The following PHLPP1 variants were observed in gnomAD, a reference collection of about 807,000 sequenced individuals.
PHLPP1 encodes the protein PH domain leucine-rich repeat-containing protein phosphatase 1.
PHLPP1 carries 42 observed loss-of-function variants against 117.2 expected under a neutral mutation model. The ratio of observed to expected loss-of-function variants is 0.36; its 90% CI spans 0.28 to 0.46. The LOEUF (loss-of-function observed/expected upper bound fraction) is 0.46, where lower values mean the gene tolerates loss of function less well. Among genes scored for constraint, PHLPP1 ranks in the 20% least tolerant of loss-of-function variants. PHLPP1 has a pLI of 1.00. For missense variants in PHLPP1, 2,084 were observed against 2,241.9 expected (o/e 0.93, Z 1.42); for synonymous variants, 1,042 against 970.7 (o/e 1.07, Z -1.37).
intron 1 of PHLPP1, among the ~76,000 whole-genome samples, chr18:62,778,188 TTGA>T (rs1913017268): frequency 1.3e-5 from 2 of 152,334 alleles, no homozygotes; most frequent in African/African-American, 4.8e-5. Context: ...TGTATTACCT[TTGA>T]TATTCTTCCC....
chr18:62,768,115 A>G (rs1400298603), intron 1 of PHLPP1, among the ~76,000 whole-genome samples: 1 of 152,214 alleles, frequency 6.6e-6, no homozygotes, highest in Non-Finnish European at 1.5e-5. Context: ...TTGACACTGA[A>G]TTTAATTTAT....
Position 62,978,717 on chromosome 18 carries a change from G to T in PHLPP1, c.4440G>T (p.Glu1480Asp). 1 of 1,613,824 alleles carries T rather than the reference G, an allele frequency of 6.2e-7. No individual in the cohort carries two copies. The highest frequency in any genetic ancestry group is 8.5e-7 in the Non-Finnish European group (1 of 1,179,854). Residue 1480 changes from glutamate to aspartate, a missense_variant, in exon 17 of 17, where the codon GAG becomes GAT. Coordinates refer to ENST00000262719, the MANE Select transcript of PHLPP1 (RefSeq NM_194449.4). The surrounding 1 kb of genome is among the most constrained non-coding windows in gnomAD (Gnocchi z 7.0). ...GCATGGCTTCCGAGATTAGCAGTGA[G>T]CTCTCCACTTCTGAGATGAGCAGCG... is the stretch of plus-strand genomic sequence containing the variant. ...SSGMASEISS[E>D]LSTSEMSSEV... is the part of the protein sequence containing the mutation.
chr18:62,716,596 C>T lies in PHLPP1; in HGVS notation c.913C>T (p.Pro305Ser), dbSNP rs1910747089. ...PRAPPADLPL[P>S]VGGPGGWSRR... ...CGCGCCCCCCGCCGACCTACCCCTGCCCGTCGGCGGCCCGGGCGGGTGGTC... is the reference window on the plus strand; with the variant it reads ...CGCGCCCCCCGCCGACCTACCCCTGTCCGTCGGCGGCCCGGGCGGGTGGTC... Residue 305 changes from proline to serine, a missense_variant, in exon 1 of 17, where the codon CCC becomes TCC. Physicochemically the swap from Pro to Ser is moderately conservative, Grantham distance 74. Around this residue, in one of 2 missense-constraint regions of PHLPP1, gnomAD observed 719 missense variants for 636.0 expected, o/e 1.13. Transcript: ENST00000262719. The surrounding 1 kb of genome is among the most constrained non-coding windows in gnomAD (Gnocchi z 5.7). 5.4e-6 allele frequency: 7 copies of T among 1,300,260 alleles called. No homozygotes were observed. The highest frequency in any genetic ancestry group is 5.8e-6 in the Non-Finnish European group (6 of 1,026,938). 80.5% of individuals were successfully genotyped at this position (1,300,260 alleles called of 1,614,324 possible).
At chr18:62,949,682 T>G (rs1910398678) in intron 12 of PHLPP1, among the ~76,000 whole-genome samples, 1 of 152,168 alleles carries the variant, frequency 6.6e-6, no homozygotes, top group South Asian at 2.1e-4. Flanking sequence ...TTGGAGCAGA[T>G]TGTGTTCTCT....
chr18:62,734,695 A>G (rs977018802), intron 1 of PHLPP1, among the ~76,000 whole-genome samples: 1 of 152,176 alleles, frequency 6.6e-6, no homozygotes, highest in African/African-American at 2.4e-5. Flanking sequence ...ATTCAAACCA[A>G]TCAACATTCA....
At chr18:62,870,768 G>C (rs888688488) in intron 4 of PHLPP1, among the ~76,000 whole-genome samples, 1 of 152,046 alleles carries the variant, frequency 6.6e-6, no homozygotes, top group African/African-American at 2.4e-5. Flanking sequence ...ATTTAAATTG[G>C]TATTTGCACC....
intron 10 of PHLPP1, among the ~76,000 whole-genome samples, chr18:62,939,697 T>C (rs1486546977): frequency 6.6e-6 from 1 of 152,046 alleles, no homozygotes; most frequent in African/African-American, 2.4e-5. Context: ...ATGTTCTATT[T>C]TGGGGAAGCT....
intron 14 of PHLPP1, among the ~76,000 whole-genome samples, chr18:62,964,784 A>T (rs1910858642): frequency 6.6e-6 from 1 of 152,196 alleles, no homozygotes; most frequent in Non-Finnish European, 1.5e-5. Flanking sequence ...AACACCAGTA[A>T]ATGAAACTGC....
Position 62,722,227 on chromosome 18 carries a change from A to G in PHLPP1, c.1576+4968A>G, listed in dbSNP as rs539689770. ...TCTTAGAGTTAACAGGTTTCTCCCA[A>G]CTTTTCAAAGGCATCTCGTACTTAA... On this transcript the variant is annotated intron_variant, in intron 1 of 16. Coordinates refer to ENST00000262719, the MANE Select transcript of PHLPP1 (RefSeq NM_194449.4). Among the ~76,000 whole-genome samples the G allele has an allele frequency of 1.5e-3, 236 of 152,316 alleles. 1 individual carries two copies. The highest frequency in any genetic ancestry group is 5.5e-3 in the African/African-American group (228 of 41,562).
At chr18:62,791,962 T>TC (rs1913472025) in intron 1 of PHLPP1, among the ~76,000 whole-genome samples, 1 of 151,570 alleles carries the variant, frequency 6.6e-6, no homozygotes, top group Non-Finnish European at 1.5e-5. Flanking sequence ...TTTTTTTTTT[T>TC]CCTGGAGACA....
intron 1 of PHLPP1, among the ~76,000 whole-genome samples, chr18:62,764,026 G>A (rs1257733744): frequency 6.6e-6 from 1 of 151,842 alleles, no homozygotes; most frequent in African/African-American, 2.4e-5. Flanking sequence ...AGCCGGGCGT[G>A]GTGGTGCATG....
At position 62,941,754 on chromosome 18, in the gene PHLPP1, A is replaced by C; in HGVS notation, c.2997A>C (p.Glu999Asp). 6.2e-7 allele frequency: 1 copy of C among 1,613,886 alleles called. No homozygotes were observed. The highest frequency in any genetic ancestry group is 8.5e-7 in the Non-Finnish European group (1 of 1,179,788). ...TGAACGCCTCTGCGAACAAACTGGA[A>C]AGCCTTCCTCCAGCCACGCTTTCCG... ...RFLNASANKLESLPPATLSEE... is the reference protein window; with the variant it reads ...RFLNASANKLDSLPPATLSEE... The change falls in exon 11 of 17, where the codon GAA becomes GAC. Residue 999 changes from glutamate to aspartate, a missense_variant. Physicochemically the swap from Glu to Asp is conservative, Grantham distance 45. Coordinates refer to ENST00000262719, the MANE Select transcript of PHLPP1 (RefSeq NM_194449.4).
intron 1 of PHLPP1, among the ~76,000 whole-genome samples, chr18:62,720,798 G>T (rs1447665791): frequency 6.6e-6 from 1 of 151,764 alleles, no homozygotes; most frequent in Admixed American, 6.6e-5. Flanking sequence ...CTACTATGGC[G>T]TGATAACATC....
intron 1 of PHLPP1, among the ~76,000 whole-genome samples, chr18:62,811,628 A>G (rs1914123832): frequency 6.6e-6 from 1 of 151,884 alleles, no homozygotes; most frequent in African/African-American, 2.4e-5. Flanking sequence ...TTTAAGTGAG[A>G]ACTCTATGGA....
intron 1 of PHLPP1, among the ~76,000 whole-genome samples, chr18:62,809,390 T>C (rs1314721414): frequency 6.6e-6 from 1 of 152,142 alleles, no homozygotes; most frequent in African/African-American, 2.4e-5. Flanking sequence ...TCTGCAGATA[T>C]ACACAATATA....
intron 1 of PHLPP1, among the ~76,000 whole-genome samples, chr18:62,775,761 A>G (rs1912933437): frequency 6.6e-6 from 1 of 152,204 alleles, no homozygotes; most frequent in Non-Finnish European, 1.5e-5. Flanking sequence ...TTTGACCTAT[A>G]TCCACCTGTG....
chr18:62,866,506 A>G (rs1187502762), intron 4 of PHLPP1, among the ~76,000 whole-genome samples: 1 of 152,098 alleles, frequency 6.6e-6, no homozygotes. Flanking sequence ...TGGCCTCCCA[A>G]AGTGCTGGGA....
At chr18:62,793,684 G>A (rs1394822175) in intron 1 of PHLPP1, among the ~76,000 whole-genome samples, 8 of 152,198 alleles carry the variant, frequency 5.3e-5, no homozygotes, top group African/African-American at 1.4e-4. Context: ...TTCTACGGAG[G>A]AATAAACTGA....
chr18:62,856,662 G>A (rs917613792), intron 3 of PHLPP1, among the ~76,000 whole-genome samples: 2 of 151,984 alleles, frequency 1.3e-5, no homozygotes, highest in Non-Finnish European at 2.9e-5. Context: ...TCGAACTTCT[G>A]GGCTCAAACA....
Sources: gnomAD v4.1 joint callset for allele counts (sites outside exome capture counted in the v4.1 genomes callset) on GRCh38, gnomAD v4.1.1 for gene constraint, gnomAD v4.1.1 regional missense constraint, Gnocchi (gnomAD v3.1) non-coding constraint, MANE v1.5 for transcripts, NCBI Gene and HGNC (gene_info 2026-07-23, HGNC 2026-07-21) for gene names.